The following LMO7 variants were observed in gnomAD, a reference collection of about 807,000 sequenced individuals.
LMO7 encodes LIM domain only protein 7.
In LMO7, 120 loss-of-function variants were observed where a neutral mutation model predicts 206.5. The ratio of observed to expected loss-of-function variants is 0.58; its 90% CI spans 0.50 to 0.68. The LOEUF is 0.68. Among genes scored for constraint, LMO7 ranks in the 30% least tolerant of loss-of-function variants. The pLI is 0.00. For missense variants in LMO7, 1,959 were observed against 1,957.9 expected (o/e 1.00, Z -0.01); for synonymous variants, 706 against 681.5 (o/e 1.04, Z -0.56).
At chr13:75,677,463 T>C (rs1594218725) in intron 1 of LMO7, among the ~76,000 whole-genome samples, 1 of 152,340 alleles carries the variant, frequency 6.6e-6, no homozygotes, top group East Asian at 1.9e-4. Flanking sequence ...TTCTACGTGT[T>C]TGGGATATTT....
intron 11 of LMO7, 79 bp downstream of exon 11, chr13:75,809,262 A>C: frequency 8.4e-7 from 1 of 1,196,746 alleles, no homozygotes; most frequent in South Asian, 1.2e-5. Context: ...CTGGCATGGC[A>C]TGTCACTAAA....
chr13:75,770,151 C>T (rs1040498616), intron 4 of LMO7, among the ~76,000 whole-genome samples: 1 of 148,440 alleles, frequency 6.7e-6, no homozygotes, highest in Middle Eastern at 3.2e-3. Flanking sequence ...CTGAAGGTAC[C>T]TGAATCCTTG....
chr13:75,797,620 A>C (rs931947215), intron 6 of LMO7, among the ~76,000 whole-genome samples: 1 of 152,202 alleles, frequency 6.6e-6, no homozygotes. Context: ...GCACATTGTA[A>C]GGTTGCAATA....
chr13:75,725,727 T>C (rs1480288424), intron 2 of LMO7, among the ~76,000 whole-genome samples: 1 of 152,068 alleles, frequency 6.6e-6, no homozygotes, highest in Admixed American at 6.6e-5. Flanking sequence ...TCTAGGAAAT[T>C]GCGTTGAGAG....
At chr13:75,767,401 T>G (rs1360302647) in intron 4 of LMO7, among the ~76,000 whole-genome samples, 1 of 152,052 alleles carries the variant, frequency 6.6e-6, no homozygotes, top group African/African-American at 2.4e-5. Context: ...GAATAGAACA[T>G]TTTAAAAGCA....
chr13:75,856,436 C>T, intron 29 of LMO7, 70 bp from the exon 30 acceptor site: 8 of 867,154 alleles, frequency 9.2e-6, no homozygotes, highest in Non-Finnish European at 1.5e-5. Flanking sequence ...ATTTCCCCCC[C>T]ACCCCCAGGA....
At chr13:75,670,950 T>C (rs1356984944) in intron 1 of LMO7, among the ~76,000 whole-genome samples, 1 of 149,160 alleles carries the variant, frequency 6.7e-6, no homozygotes, top group Non-Finnish European at 1.5e-5. Flanking sequence ...ATACCTTTTT[T>C]TTTTAATGTT....
intron 1 of LMO7, among the ~76,000 whole-genome samples, chr13:75,650,170 G>A (rs568162282): frequency 1.3e-4 from 20 of 150,524 alleles, no homozygotes; most frequent in African/African-American, 4.4e-4. Flanking sequence ...TCGCTCTGTC[G>A]CCAGGTTGGA....
At chr13:75,660,856 G>T (rs764150428) in intron 1 of LMO7, among the ~76,000 whole-genome samples, 1 of 152,310 alleles carries the variant, frequency 6.6e-6, no homozygotes, top group African/African-American at 2.4e-5. Context: ...AGTAGGAGAA[G>T]AGGTGCCTCA....
intron 18 of LMO7, among the ~76,000 whole-genome samples, chr13:75,836,110 A>G (rs1440375700): frequency 6.6e-6 from 1 of 152,182 alleles, no homozygotes; most frequent in Non-Finnish European, 1.5e-5. Context: ...TCATAAATAT[A>G]AGCCAAATGG....
At chr13:75,652,773 A>T (rs1804053692) in intron 1 of LMO7, among the ~76,000 whole-genome samples, 1 of 152,192 alleles carries the variant, frequency 6.6e-6, no homozygotes, top group Admixed American at 6.5e-5. Context: ...TTAAACTTAA[A>T]AAAACCTCAC....
At chr13:75,738,734 A>C (rs894777880) in intron 3 of LMO7, among the ~76,000 whole-genome samples, 1 of 152,180 alleles carries the variant, frequency 6.6e-6, no homozygotes, top group African/African-American at 2.4e-5. Context: ...CTCAAAACAA[A>C]ACCTTGAAAA....
chr13:75,649,757 T>A (rs535256583), intron 1 of LMO7, among the ~76,000 whole-genome samples: 2 of 152,170 alleles, frequency 1.3e-5, no homozygotes, highest in Non-Finnish European at 2.9e-5. Context: ...GTAGAAGCCC[T>A]TAATATCTAA....
At chr13:75,791,105 C>T (rs921971684) in intron 4 of LMO7, among the ~76,000 whole-genome samples, 1 of 151,532 alleles carries the variant, frequency 6.6e-6, no homozygotes, top group African/African-American at 2.4e-5. Context: ...ATTTGGATTT[C>T]AGTGCAAGTA....
At chr13:75,721,873 AACAG>A (rs2044050647) in intron 2 of LMO7, among the ~76,000 whole-genome samples, 1 of 152,226 alleles carries the variant, frequency 6.6e-6, no homozygotes, top group Admixed American at 6.5e-5. Flanking sequence ...AGACCAATAG[AACAG>A]AATAAAGAAC....
chr13:75,852,478 T>C (rs1791555998), intron 27 of LMO7, among the ~76,000 whole-genome samples: 1 of 152,150 alleles, frequency 6.6e-6, no homozygotes, highest in African/African-American at 2.4e-5. Context: ...GTGTATCCCC[T>C]AAACCTAAAA....
At chr13:75,635,018 C>CAA (rs1414722918), upstream of LMO7, among the ~76,000 whole-genome samples, 1 of 72,380 alleles carries the variant, frequency 1.4e-5, no homozygotes. Flanking sequence ...CAAAACAAAA[C>CAA]AAAACAAAAC....
At chr13:75,629,926 G>A (rs1840914115) in intron 2 of LMO7, among the ~76,000 whole-genome samples, 2 of 152,154 alleles carry the variant, frequency 1.3e-5, no homozygotes, top group African/African-American at 4.8e-5. Flanking sequence ...TGAAGGTTGT[G>A]GGATGAGGTA....
chr13:75,652,077 T>A (rs1208483321), intron 1 of LMO7, among the ~76,000 whole-genome samples: 2 of 152,184 alleles, frequency 1.3e-5, no homozygotes, highest in African/African-American at 4.8e-5. Flanking sequence ...TTCATAGTAT[T>A]TTGCTTTTTT....
Sources: gnomAD v4.1 joint callset for allele counts (sites outside exome capture counted in the v4.1 genomes callset) on GRCh38, gnomAD v4.1.1 for gene constraint, MANE v1.5 for transcripts, NCBI Gene and HGNC (gene_info 2026-07-23, HGNC 2026-07-21) for gene names.